ANKS1B: variants seen among roughly 807,000 people sequenced by gnomAD.
The protein encoded by ANKS1B is ankyrin repeat and sterile alpha motif domain containing 1B.
ANKS1B carries 36 observed loss-of-function variants against 148.3 expected under a neutral mutation model. The ratio of observed to expected loss-of-function variants is 0.24; its 90% confidence interval spans 0.19 to 0.32. The LOEUF is 0.32. Among genes scored for constraint, ANKS1B ranks in the 10% least tolerant of loss-of-function variants. The probability of loss-of-function intolerance (pLI) is 1.00; values close to 1 mark genes in which losing one functional copy is unlikely to be tolerated. For missense variants in ANKS1B, 1,157 were observed against 1,542.6 expected (o/e 0.75, Z 4.19); for synonymous variants, 542 against 560.8 (o/e 0.97, Z 0.47).
intron 1 of ANKS1B, among the ~76,000 whole-genome samples, chr12:99,910,466 G>A (rs543239829): frequency 7.3e-5 from 11 of 151,592 alleles, no homozygotes; most frequent in Admixed American, 3.9e-4. Flanking sequence ...GCCACACATT[G>A]TATGATTCCA....
chr12:99,479,055 G>A (rs2096370321), intron 10 of ANKS1B, among the ~76,000 whole-genome samples: 1 of 151,886 alleles, frequency 6.6e-6, no homozygotes, highest in Admixed American at 6.6e-5. Context: ...ATAATCAGAT[G>A]TGCAATTTAT....
intron 12 of ANKS1B, among the ~76,000 whole-genome samples, chr12:99,340,661 CT>C (rs1373788318): frequency 6.6e-6 from 1 of 151,878 alleles, no homozygotes; most frequent in African/African-American, 2.4e-5. Context: ...TCTAGATATG[CT>C]CTATTTTAAC....
At chr12:98,999,739 T>C (rs548481507) in intron 17 of ANKS1B, among the ~76,000 whole-genome samples, 17 of 152,306 alleles carry the variant, frequency 1.1e-4, no homozygotes, top group African/African-American at 4.1e-4. Context: ...GCTACAAGGT[T>C]GGTGCTTTCC....
At chr12:98,780,342 G>A (rs2098722118) in intron 24 of ANKS1B, among the ~76,000 whole-genome samples, 1 of 152,324 alleles carries the variant, frequency 6.6e-6, no homozygotes, top group Non-Finnish European at 1.5e-5. Flanking sequence ...TTGTGAGGAG[G>A]AGTCAGTCAG....
intron 1 of ANKS1B, among the ~76,000 whole-genome samples, chr12:99,926,285 T>A (rs1007712367): frequency 6.6e-6 from 1 of 152,210 alleles, no homozygotes; most frequent in Non-Finnish European, 1.5e-5. Flanking sequence ...AGGTTAATTT[T>A]ATCTGTCAAT....
chr12:99,201,888 A>G (rs897682849), intron 14 of ANKS1B, among the ~76,000 whole-genome samples: 1 of 151,968 alleles, frequency 6.6e-6, no homozygotes, highest in African/African-American at 2.4e-5. Flanking sequence ...CTACTGTGTA[A>G]AATAAACACT....
chr12:99,764,730 A>T (rs921789677), intron 8 of ANKS1B, among the ~76,000 whole-genome samples: 2 of 152,190 alleles, frequency 1.3e-5, no homozygotes, highest in Non-Finnish European at 2.9e-5. Context: ...GCCAAGAATA[A>T]TCCATTTTAC....
chr12:99,103,243 T>C (rs775899998), intron 15 of ANKS1B, among the ~76,000 whole-genome samples: 12 of 152,156 alleles, frequency 7.9e-5, no homozygotes, highest in African/African-American at 2.9e-4. Context: ...ACTGTGTCAA[T>C]TGCATAGCAA....
intron 1 of ANKS1B, among the ~76,000 whole-genome samples, chr12:99,900,115 T>A (rs896445099): frequency 1.3e-5 from 2 of 151,868 alleles, no homozygotes; most frequent in Non-Finnish European, 2.9e-5. Flanking sequence ...ACCAGGCTGG[T>A]CTCAAACTCC....
rs866423877 is a variant in ANKS1B at position 98,907,053 on chromosome 12, A to G, written c.2779-74917T>C. On this transcript the variant is annotated intron_variant, in intron 17 of 26. Coordinates refer to ENST00000683438, the MANE Select transcript of ANKS1B (RefSeq NM_001352186.2). ...TGTGTGTGTGTGTGTGTGTGTATGT[A>G]TGGTGAGAATACTTAAGATCTGCTC... Among the ~76,000 whole-genome samples the G allele has an allele frequency of 4.1e-4, 61 of 147,616 alleles. 1 individual carries two copies. The highest frequency in any genetic ancestry group is 7.1e-3 in the Middle Eastern group (2 of 280).
At chr12:98,843,728 G>A (rs772130426) in intron 17 of ANKS1B, among the ~76,000 whole-genome samples, 2 of 152,212 alleles carry the variant, frequency 1.3e-5, no homozygotes, top group African/African-American at 4.8e-5. Flanking sequence ...CAAGGGTAGA[G>A]GGCATATTGA....
chr12:99,530,966 C>T (rs1173576863), intron 9 of ANKS1B, among the ~76,000 whole-genome samples: 1 of 152,182 alleles, frequency 6.6e-6, no homozygotes, highest in Non-Finnish European at 1.5e-5. Context: ...TACTCAGTAG[C>T]CTCCATCCTG....
intron 1 of ANKS1B, among the ~76,000 whole-genome samples, chr12:99,898,849 G>C (rs1257590479): frequency 2.0e-5 from 3 of 152,150 alleles, no homozygotes; most frequent in East Asian, 1.9e-4. Context: ...TGATGATGAT[G>C]ATGACGACAA....
chr12:99,718,629 T>G (rs1259097292), intron 8 of ANKS1B, among the ~76,000 whole-genome samples: 1 of 152,220 alleles, frequency 6.6e-6, no homozygotes, highest in African/African-American at 2.4e-5. Flanking sequence ...ACAAGTTAGT[T>G]CAGGATCTGC....
chr12:99,791,339 A>T (rs1291771901), intron 4 of ANKS1B, among the ~76,000 whole-genome samples: 2 of 151,952 alleles, frequency 1.3e-5, no homozygotes, highest in Non-Finnish European at 2.9e-5. Flanking sequence ...GGAGACTTCA[A>T]CTCCCCACTT....
chr12:99,358,178 C>G (rs1183467369), intron 12 of ANKS1B, among the ~76,000 whole-genome samples: 1 of 151,912 alleles, frequency 6.6e-6, no homozygotes, highest in South Asian at 2.1e-4. Context: ...TTCAGCTGAT[C>G]TTAATTTTTA....
chr12:99,005,883 T>C (rs2099935886), intron 17 of ANKS1B, among the ~76,000 whole-genome samples: 2 of 152,224 alleles, frequency 1.3e-5, no homozygotes, highest in South Asian at 4.1e-4. Flanking sequence ...GCCCACTCAG[T>C]AGGGCTGAAG....
intron 15 of ANKS1B, among the ~76,000 whole-genome samples, chr12:99,114,186 T>C (rs1260721726): frequency 6.6e-6 from 1 of 152,226 alleles, no homozygotes; most frequent in Admixed American, 6.5e-5. Context: ...CAGATTCTCA[T>C]AACCTTTATG....
chr12:99,492,348 C>G (rs549506998), intron 10 of ANKS1B, among the ~76,000 whole-genome samples: 5 of 152,138 alleles, frequency 3.3e-5, no homozygotes, highest in Admixed American at 3.3e-4. Context: ...CAAGACTAAC[C>G]CAGGAAGGAA....
Sources: allele counts gnomAD v4.1 joint callset (sites outside exome capture counted in the v4.1 genomes callset), GRCh38; gene constraint gnomAD v4.1.1; transcripts MANE v1.5; gene names NCBI Gene and HGNC (gene_info 2026-07-23, HGNC 2026-07-21).